Variants in LARGE1 observed in about 807,000 individuals in gnomAD.
LARGE1 encodes the protein LARGE xylosyl- and glucuronyltransferase 1.
A neutral mutation model predicts 87.6 loss-of-function variants in LARGE1; 43 were observed. That is an observed-to-expected ratio of 0.49 (90% CI 0.38 to 0.63). LARGE1 has a LOEUF of 0.63. LARGE1 is among the 30% of genes least tolerant of loss of function. LARGE1 has a pLI of 0.00. For synonymous variants in LARGE1, 434 were observed against 394.6 expected (o/e 1.10, Z -1.18); for missense variants, 802 against 1,000.2 (o/e 0.80, Z 2.67).
chr22:33,402,389 C>T (rs1203801972), intron 7 of LARGE1, among the ~76,000 whole-genome samples: 1 of 152,138 alleles, frequency 6.6e-6, no homozygotes, highest in African/African-American at 2.4e-5. Context: ...TGAATAAAAG[C>T]CTCTTGATGC....
intron 2 of LARGE1, among the ~76,000 whole-genome samples, chr22:33,758,265 C>A (rs962697565): frequency 2.0e-5 from 3 of 152,208 alleles, no homozygotes; most frequent in African/African-American, 4.8e-5. Flanking sequence ...ATCCTCAATT[C>A]TTCCCACCAT....
intron 6 of LARGE1, among the ~76,000 whole-genome samples, chr22:33,553,956 G>C (rs748059927): frequency 1.2e-4 from 18 of 152,140 alleles, no homozygotes; most frequent in Non-Finnish European, 1.8e-4. Flanking sequence ...TGGAATCCTG[G>C]TGATGGATCC....
At chr22:33,911,863 G>A (rs16993271) in intron 1 of LARGE1, among the ~76,000 whole-genome samples, 8,452 of 152,250 alleles carry the variant, frequency 0.056, 288 homozygotes, top group African/African-American at 0.088. Flanking sequence ...GCTGCTAGGA[G>A]ACGCCTTGAG....
the LARGE1 span, among the ~76,000 whole-genome samples, chr22:33,081,660 G>T: frequency 1.3e-5 from 2 of 152,150 alleles, no homozygotes. Flanking sequence ...CATCAGAAAA[G>T]ACCACATTCA....
chr22:33,415,592 G>A (rs958552270), intron 7 of LARGE1, among the ~76,000 whole-genome samples: 1 of 152,184 alleles, frequency 6.6e-6, no homozygotes, highest in Non-Finnish European at 1.5e-5. Flanking sequence ...TAGCTGCTCA[G>A]TTTAATTAGA....
the LARGE1 span, among the ~76,000 whole-genome samples, chr22:33,141,325 G>A: frequency 2.6e-5 from 4 of 152,052 alleles, no homozygotes; most frequent in African/African-American, 9.7e-5. Flanking sequence ...AAACTTCAAT[G>A]TTCCTTGTAG....
At chr22:33,844,430 C>G (rs192986901) in intron 1 of LARGE1, among the ~76,000 whole-genome samples, 1 of 152,116 alleles carries the variant, frequency 6.6e-6, no homozygotes, top group Non-Finnish European at 1.5e-5. Context: ...TCCAATGGGG[C>G]TCTCCTTTCG....
chr22:33,792,482 T>C (rs140001229), intron 1 of LARGE1, among the ~76,000 whole-genome samples: 15 of 152,230 alleles, frequency 9.9e-5, no homozygotes, highest in African/African-American at 3.6e-4. Context: ...CTTTATAAAC[T>C]GCACAGTCTG....
At chr22:33,806,955 A>G (rs1276682554) in intron 1 of LARGE1, among the ~76,000 whole-genome samples, 3 of 152,118 alleles carry the variant, frequency 2.0e-5, no homozygotes, top group Non-Finnish European at 4.4e-5. Flanking sequence ...GGTTGCAGCG[A>G]GCTGAGATCT....
At chr22:33,830,728 G>C (rs961992292) in intron 1 of LARGE1, among the ~76,000 whole-genome samples, 7 of 152,162 alleles carry the variant, frequency 4.6e-5, no homozygotes, top group African/African-American at 1.7e-4. Flanking sequence ...ACCATAGACT[G>C]GGTGGCTTAT....
At chr22:33,217,698 C>T (rs140434809) in intron 11 of LARGE1, among the ~76,000 whole-genome samples, 8 of 152,168 alleles carry the variant, frequency 5.3e-5, no homozygotes, top group Admixed American at 1.3e-4. Context: ...ATACAGAGGA[C>T]TTCAACTATA....
At chr22:33,439,450 G>A (rs1012565008) in intron 6 of LARGE1, among the ~76,000 whole-genome samples, 12 of 151,832 alleles carry the variant, frequency 7.9e-5, no homozygotes, top group African/African-American at 2.4e-4. Flanking sequence ...CTTTAGCGTC[G>A]GCGACATCTG....
chr22:33,898,051 A>C (rs566849764), intron 1 of LARGE1, among the ~76,000 whole-genome samples: 35 of 152,278 alleles, frequency 2.3e-4, no homozygotes, highest in African/African-American at 5.1e-4. Flanking sequence ...CACTCCTTTC[A>C]GCATACACGT....
At chr22:33,491,338 G>A (rs546556530) in intron 6 of LARGE1, among the ~76,000 whole-genome samples, 21 of 152,212 alleles carry the variant, frequency 1.4e-4, no homozygotes, top group African/African-American at 5.1e-4. Context: ...AGCAGGAAGC[G>A]GTTTTACATA....
At chr22:33,625,943 G>C (rs376335543) in intron 4 of LARGE1, among the ~76,000 whole-genome samples, 2 of 152,208 alleles carry the variant, frequency 1.3e-5, no homozygotes, top group East Asian at 3.8e-4. Flanking sequence ...TAACAACTGA[G>C]ATCTGGTAAA....
intron 11 of LARGE1, among the ~76,000 whole-genome samples, chr22:33,204,893 G>A (rs1924602090): frequency 6.6e-6 from 1 of 152,188 alleles, no homozygotes; most frequent in Admixed American, 6.5e-5. Flanking sequence ...CAACACCAAG[G>A]AGGTATACAG....
chr22:33,900,366 C>A (rs1024243919), intron 1 of LARGE1, among the ~76,000 whole-genome samples: 3 of 152,186 alleles, frequency 2.0e-5, no homozygotes, highest in Non-Finnish European at 4.4e-5. Flanking sequence ...AAAGGACTTA[C>A]AATTGAAAAT....
At chr22:33,844,261 T>C (rs576837768) in intron 1 of LARGE1, among the ~76,000 whole-genome samples, 12 of 152,198 alleles carry the variant, frequency 7.9e-5, no homozygotes, top group South Asian at 2.1e-4. Flanking sequence ...GCATTAAAAA[T>C]GATTAAGTGT....
At chr22:33,546,202 G>C (rs1359977883) in intron 6 of LARGE1, among the ~76,000 whole-genome samples, 3 of 152,062 alleles carry the variant, frequency 2.0e-5, no homozygotes, top group Admixed American at 6.5e-5. Context: ...CCTACTTTTC[G>C]ATCTGCCATC....
Sources: gnomAD v4.1 joint callset for allele counts (sites outside exome capture counted in the v4.1 genomes callset) on GRCh38, gnomAD v4.1.1 for gene constraint, MANE v1.5 for transcripts, NCBI Gene and HGNC (gene_info 2026-07-23, HGNC 2026-07-21) for gene names.